CDH12: variants seen among roughly 807,000 people sequenced by gnomAD.
CDH12 encodes cadherin 12.
Under a neutral mutation model 74.1 loss-of-function variants are expected in CDH12, and 41 were observed. That is an observed-to-expected ratio of 0.55 (90% CI 0.43 to 0.72). CDH12 has a LOEUF of 0.72. Ranked by LOEUF, CDH12 falls within the 30% of genes least tolerant of loss-of-function variation. CDH12 has a pLI of 0.00. For missense variants in CDH12, 945 were observed against 977.2 expected, an observed-to-expected ratio of 0.97 and a Z score of 0.44; for synonymous variants, 399 against 355.0, an observed-to-expected ratio of 1.12 and a Z score of -1.39.
chr5:22,581,667 A>G (rs2126784048), intron 1 of CDH12, among the ~76,000 whole-genome samples: 1 of 152,308 alleles, frequency 6.6e-6, no homozygotes, highest in African/African-American at 2.4e-5. Flanking sequence ...TCCAGACACC[A>G]GAATAAAAGA....
chr5:22,586,490 A>AATATATAT (rs71609772), intron 1 of CDH12, among the ~76,000 whole-genome samples: 17 of 124,998 alleles, frequency 1.4e-4, no homozygotes, highest in South Asian at 4.7e-4. Context: ...AGTATAATAA[A>AATATATAT]ATATATATAT....
At chr5:22,067,969 C>A (rs1207135114) in intron 5 of CDH12, among the ~76,000 whole-genome samples, 2 of 151,956 alleles carry the variant, frequency 1.3e-5, no homozygotes, top group Non-Finnish European at 2.9e-5. Flanking sequence ...CAGAGTGAGA[C>A]TCTGTCTCAA....
At chr5:22,173,960 T>A (rs1438175174) in intron 4 of CDH12, among the ~76,000 whole-genome samples, 1 of 151,978 alleles carries the variant, frequency 6.6e-6, no homozygotes, top group African/African-American at 2.4e-5. Flanking sequence ...TGGCCAGGAA[T>A]CACTTTTGGT....
Position 22,098,671 on chromosome 5 carries a change from G to A in CDH12, c.-186-19809C>T, listed in dbSNP as rs140752875. 2.8e-3 allele frequency among the ~76,000 whole-genome samples: 425 copies of A among 152,146 alleles called. 8 individuals are homozygous for A. The highest frequency in any genetic ancestry group is 0.012 in the East Asian group (61 of 5,152). ...CGTTGAGTCGCCCACAATTACAATT[G>A]TTCCTGGCCCGGACTTCAATCCGGC... On this transcript the variant is annotated intron_variant, in intron 4 of 14. Transcript: ENST00000382254.
intron 6 of CDH12, among the ~76,000 whole-genome samples, chr5:21,890,916 G>A (rs1579918214): frequency 6.6e-6 from 1 of 152,056 alleles, no homozygotes; most frequent in African/African-American, 2.4e-5. Context: ...AAGCTGAAAG[G>A]GAGAAAAATT....
intron 2 of CDH12, among the ~76,000 whole-genome samples, chr5:22,410,611 C>G (rs1454102270): frequency 6.6e-6 from 1 of 152,090 alleles, no homozygotes; most frequent in Non-Finnish European, 1.5e-5. Context: ...TCTGAAGGCT[C>G]TCATTTATAC....
chr5:22,490,983 A>G (rs4701283), intron 2 of CDH12, among the ~76,000 whole-genome samples: 59,068 of 151,722 alleles, frequency 0.39, 11,819 homozygotes, highest in Non-Finnish European at 0.44. Context: ...CCTCATTTCT[A>G]TTTGCTTATT....
intron 1 of CDH12, among the ~76,000 whole-genome samples, chr5:22,738,296 C>T (rs1744847110): frequency 6.6e-6 from 1 of 151,974 alleles, no homozygotes; most frequent in African/African-American, 2.4e-5. Flanking sequence ...TTGCTTTGCT[C>T]TAGTTTTGAT....
At chr5:21,818,237 T>C (rs1748170251) in intron 8 of CDH12, among the ~76,000 whole-genome samples, 3 of 147,780 alleles carry the variant, frequency 2.0e-5, no homozygotes, top group African/African-American at 7.5e-5. Context: ...AAATCAACCA[T>C]GGTGATTCAT....
intron 1 of CDH12, among the ~76,000 whole-genome samples, chr5:22,645,446 A>G (rs1351721833): frequency 1.3e-5 from 2 of 152,062 alleles, no homozygotes; most frequent in Non-Finnish European, 2.9e-5. Flanking sequence ...AAACTTGAAC[A>G]GATAAAGAGT....
At chr5:22,007,232 TAAC>T (rs1737019081) in intron 5 of CDH12, among the ~76,000 whole-genome samples, 1 of 152,176 alleles carries the variant, frequency 6.6e-6, no homozygotes. Flanking sequence ...ATGAGGATGA[TAAC>T]AAGCTCAAGA....
At chr5:22,353,751 C>A (rs1243800826) in intron 3 of CDH12, among the ~76,000 whole-genome samples, 1 of 151,962 alleles carries the variant, frequency 6.6e-6, no homozygotes, top group African/African-American at 2.4e-5. Context: ...TTCTTCATCT[C>A]AATTTTTGAT....
chr5:22,431,231 T>C (rs1403385845), intron 2 of CDH12, among the ~76,000 whole-genome samples: 1 of 152,168 alleles, frequency 6.6e-6, no homozygotes, highest in East Asian at 1.9e-4. Context: ...AAATCACATA[T>C]GGTCGTACTC....
intron 3 of CDH12, among the ~76,000 whole-genome samples, chr5:22,314,321 G>A (rs1343881971): frequency 6.6e-6 from 1 of 152,146 alleles, no homozygotes; most frequent in Non-Finnish European, 1.5e-5. Flanking sequence ...AGTATATTTG[G>A]AGATAAGCTC....
chr5:22,843,146 T>C (rs1329354126), intron 1 of CDH12, among the ~76,000 whole-genome samples: 2 of 152,230 alleles, frequency 1.3e-5, no homozygotes, highest in South Asian at 2.1e-4. Context: ...AAGTTATTAA[T>C]CATAGCTTTG....
chr5:22,192,832 C>A (rs1284160168), intron 4 of CDH12, among the ~76,000 whole-genome samples: 1 of 152,116 alleles, frequency 6.6e-6, no homozygotes, highest in Non-Finnish European at 1.5e-5. Context: ...GGGGAGGCTA[C>A]ACTTGAAAGG....
chr5:22,802,968 T>C (rs555714361), intron 1 of CDH12, among the ~76,000 whole-genome samples: 1 of 152,254 alleles, frequency 6.6e-6, no homozygotes, highest in East Asian at 1.9e-4. Flanking sequence ...CCCAAAGTCT[T>C]GCACTTAAGT....
At chr5:22,695,120 G>A (rs1303933919) in intron 1 of CDH12, among the ~76,000 whole-genome samples, 1 of 152,020 alleles carries the variant, frequency 6.6e-6, no homozygotes, top group Non-Finnish European at 1.5e-5. Flanking sequence ...TTAGTTTGCT[G>A]ACAATGATGG....
intron 3 of CDH12, among the ~76,000 whole-genome samples, chr5:22,390,284 C>T (rs919597936): frequency 2.0e-5 from 3 of 152,164 alleles, no homozygotes; most frequent in East Asian, 3.9e-4. Context: ...AATTAAAGCC[C>T]GTGTGAGCTG....
Sources: gnomAD v4.1 joint callset for allele counts (sites outside exome capture counted in the v4.1 genomes callset) on GRCh38, gnomAD v4.1.1 for gene constraint, MANE v1.5 for transcripts, NCBI Gene and HGNC (gene_info 2026-07-23, HGNC 2026-07-21) for gene names.